GRIP1: variants seen among roughly 807,000 people sequenced by gnomAD.
GRIP1 encodes the protein glutamate receptor interacting protein 1.
A neutral mutation model predicts 129.9 loss-of-function variants in GRIP1; 45 were observed. That is an observed-to-expected ratio of 0.35 (90% CI 0.27 to 0.44). GRIP1 has a LOEUF of 0.44. GRIP1 is among the 20% of genes least tolerant of loss of function. GRIP1 has a pLI of 1.00. For missense variants in GRIP1, 1,196 were observed against 1,396.8 expected (o/e 0.86, Z 2.29); for synonymous variants, 530 against 520.8 (o/e 1.02, Z -0.24).
At chr12:66,614,564 C>G (rs981245067) in intron 1 of GRIP1, among the ~76,000 whole-genome samples, 1 of 152,142 alleles carries the variant, frequency 6.6e-6, no homozygotes, top group Non-Finnish European at 1.5e-5. Flanking sequence ...CTTGCCTGCA[C>G]CATTCGAGAC....
rs570054001 is a variant in GRIP1, at chr12:66,629,082, T to A, written c.56-32155A>T. Reference sequence around the variant, plus strand: ...GTAATTTTTCCTTCTTTATTGCAAGTATGCATATTAGCATGCAAAATTTAA... The same window carrying A: ...GTAATTTTTCCTTCTTTATTGCAAGAATGCATATTAGCATGCAAAATTTAA... On this transcript the variant is annotated intron_variant, in intron 1 of 24. Transcript: ENST00000359742. Among the ~76,000 whole-genome samples, 26 of 152,372 alleles carry A rather than the reference T, an allele frequency of 1.7e-4. No individual in the cohort carries two copies. The South Asian group carries it at 5.2e-3, about 30-fold the overall frequency.
chr12:66,617,108 T>TGTGTGC, intron 1 of GRIP1, among the ~76,000 whole-genome samples: 1 of 150,948 alleles, frequency 6.6e-6, no homozygotes, highest in African/African-American at 2.4e-5. Flanking sequence ...TGTGTGTGTG[T>TGTGTGC]GTGTGTGTGT....
intron 7 of GRIP1, among the ~76,000 whole-genome samples, chr12:66,495,301 T>A (rs969011718): frequency 6.6e-6 from 1 of 152,206 alleles, no homozygotes; most frequent in African/African-American, 2.4e-5. Flanking sequence ...AAGAAAGTTA[T>A]GAGAGAAAGA....
At chr12:67,063,480 T>C (rs967065775) in intron 1 of GRIP1, among the ~76,000 whole-genome samples, 7 of 152,320 alleles carry the variant, frequency 4.6e-5, no homozygotes, top group African/African-American at 1.4e-4. Flanking sequence ...TTTTTATATT[T>C]ATATTTAAGA....
intron 19 of GRIP1, among the ~76,000 whole-genome samples, chr12:66,381,333 A>G (rs1021284810): frequency 6.6e-6 from 1 of 152,216 alleles, no homozygotes; most frequent in Admixed American, 6.5e-5. Flanking sequence ...AAAAGTGTTG[A>G]CTTAAGGAAA....
intron 1 of GRIP1, among the ~76,000 whole-genome samples, chr12:66,690,357 T>A (rs1463318643): frequency 3.4e-5 from 5 of 149,070 alleles, no homozygotes; most frequent in Admixed American, 3.3e-4. Flanking sequence ...CTTCTTTTCA[T>A]TGCTCAATAA....
chr12:67,000,569 G>T (rs1314346922), intron 1 of GRIP1, among the ~76,000 whole-genome samples: 1 of 152,156 alleles, frequency 6.6e-6, no homozygotes, highest in Non-Finnish European at 1.5e-5. Context: ...TGTTAGCTTT[G>T]CACTCTAATT....
intron 1 of GRIP1, among the ~76,000 whole-genome samples, chr12:67,056,066 A>G (rs2043430053): frequency 6.6e-6 from 1 of 152,148 alleles, no homozygotes; most frequent in South Asian, 2.1e-4. Flanking sequence ...ATAACAGACA[A>G]TGAGTTCTTG....
chr12:66,369,340 CTTT>C (rs758593628), intron 23 of GRIP1, among the ~76,000 whole-genome samples: 134 of 106,764 alleles, frequency 1.3e-3, no homozygotes, highest in African/African-American at 5.0e-3. Context: ...TTAACAAGAT[CTTT>C]TTTTTTTTTT....
At chr12:66,719,674 T>TG (rs1441751500) in intron 1 of GRIP1, among the ~76,000 whole-genome samples, 1 of 152,156 alleles carries the variant, frequency 6.6e-6, no homozygotes, top group Admixed American at 6.6e-5. Flanking sequence ...TTCATACAAG[T>TG]GAAAAAATAC....
chr12:67,033,427 T>A (rs2043051970), intron 1 of GRIP1, among the ~76,000 whole-genome samples: 1 of 152,012 alleles, frequency 6.6e-6, no homozygotes, highest in Admixed American at 6.6e-5. Flanking sequence ...ATAATATACA[T>A]CTATATACCT....
At chr12:66,867,425 AAAT>A (rs1275217487) in intron 1 of GRIP1, among the ~76,000 whole-genome samples, 1 of 152,166 alleles carries the variant, frequency 6.6e-6, no homozygotes, top group African/African-American at 2.4e-5. Flanking sequence ...TTAAATTTAA[AAAT>A]CTATAATTTA....
At chr12:66,464,558 C>T (rs1206988914) in intron 8 of GRIP1, among the ~76,000 whole-genome samples, 1 of 152,114 alleles carries the variant, frequency 6.6e-6, no homozygotes, top group Non-Finnish European at 1.5e-5. Context: ...GTCAACAATT[C>T]AGGAAAACCC....
At chr12:67,023,572 T>C (rs962175521) in intron 1 of GRIP1, among the ~76,000 whole-genome samples, 1 of 152,216 alleles carries the variant, frequency 6.6e-6, no homozygotes, top group Non-Finnish European at 1.5e-5. Context: ...GTTCTTTTTT[T>C]TTTCAGTTGT....
chr12:67,030,864 A>G (rs2043012020), intron 1 of GRIP1, among the ~76,000 whole-genome samples: 1 of 152,186 alleles, frequency 6.6e-6, no homozygotes, highest in South Asian at 2.1e-4. Flanking sequence ...TATGGACAGC[A>G]ACAAAGTTAG....
intron 1 of GRIP1, among the ~76,000 whole-genome samples, chr12:66,874,271 A>G (rs941565459): frequency 1.3e-5 from 2 of 152,112 alleles, no homozygotes; most frequent in Admixed American, 1.3e-4. Flanking sequence ...ATTCTGCCCC[A>G]GTACATTTAC....
intron 2 of GRIP1, among the ~76,000 whole-genome samples, chr12:66,579,709 A>G (rs1003404100): frequency 9.9e-5 from 15 of 152,244 alleles, no homozygotes; most frequent in African/African-American, 3.4e-4. Context: ...TTTAGAGAAA[A>G]AAGAATAAAA....
chr12:66,696,560 G>A (rs1189931275), intron 1 of GRIP1, among the ~76,000 whole-genome samples: 13 of 151,962 alleles, frequency 8.6e-5, no homozygotes, highest in African/African-American at 3.1e-4. Context: ...GCCGAGGCGG[G>A]CGGATCACAA....
intron 13 of GRIP1, among the ~76,000 whole-genome samples, chr12:66,439,030 C>T (rs374913759): frequency 1.3e-5 from 2 of 152,150 alleles, no homozygotes; most frequent in Admixed American, 6.5e-5. Flanking sequence ...CCAGGGAAGG[C>T]TTCTCTGAGC....
Sources: allele counts gnomAD v4.1 joint callset (sites outside exome capture counted in the v4.1 genomes callset), GRCh38; gene constraint gnomAD v4.1.1; transcripts MANE v1.5; gene names NCBI Gene and HGNC (gene_info 2026-07-23, HGNC 2026-07-21).